The following LTBP1 variants were observed in gnomAD, a reference collection of about 807,000 sequenced individuals.
LTBP1 encodes latent transforming growth factor beta binding protein 1.
Under a neutral mutation model 207.6 loss-of-function variants are expected in LTBP1, and 129 were observed. The observed-to-expected ratio is 0.62, with a 90% CI of 0.54 to 0.72. The LOEUF is 0.72. LTBP1 is among the 30% of genes least tolerant of loss of function. The pLI, the probability that LTBP1 is intolerant of heterozygous loss-of-function variation, is 0.00. For missense variants in LTBP1, 2,281 were observed against 2,217.2 expected, an observed-to-expected ratio of 1.03 and a Z score of -0.58; for synonymous variants, 963 against 833.7, an observed-to-expected ratio of 1.16 and a Z score of -2.67.
At chr2:33,392,020 T>C (rs1261684204) in intron 32 of LTBP1, among the ~76,000 whole-genome samples, 3 of 152,206 alleles carry the variant, frequency 2.0e-5, no homozygotes, top group East Asian at 3.9e-4. Flanking sequence ...GCAAAAATGA[T>C]TGTGTTGGGT....
At chr2:32,950,370 A>G (rs1676914886) in intron 2 of LTBP1, among the ~76,000 whole-genome samples, 1 of 152,136 alleles carries the variant, frequency 6.6e-6, no homozygotes, top group Admixed American at 6.5e-5. Flanking sequence ...CAGCCTGGGC[A>G]GCATGGCAAA....
chr2:33,343,032 A>C, intron 25 of LTBP1, 69 bp downstream of exon 25: 1 of 1,522,494 alleles, frequency 6.6e-7, no homozygotes, highest in South Asian at 1.3e-5. Flanking sequence ...AGTGAACAAC[A>C]GGAGCTTTTA....
Position 32,948,986 on chromosome 2 carries a change from A to T in LTBP1, c.565+41A>T, listed in dbSNP as rs369323612. On this transcript the variant is annotated intron_variant, in intron 2 of 33. Transcript: ENST00000404816. ...CACAGTGGCCCTGCACAGTAGGCAA[A>T]GTGGGGGGAGGTGTCCACATGGGGG... 5 of 1,601,920 alleles carry T rather than the reference A, an allele frequency of 3.1e-6. No homozygotes were observed. In the African/African-American group the frequency reaches 6.7e-5, roughly 21 times the overall value.
chr2:33,327,594 T>C (rs1327947957), intron 24 of LTBP1, among the ~76,000 whole-genome samples: 1 of 152,226 alleles, frequency 6.6e-6, no homozygotes, highest in Non-Finnish European at 1.5e-5. Flanking sequence ...TGACTTCATT[T>C]TGCAGTTGGA....
intron 3 of LTBP1, among the ~76,000 whole-genome samples, chr2:33,109,981 G>A (rs2080298036): frequency 6.6e-6 from 1 of 152,178 alleles, no homozygotes; most frequent in Non-Finnish European, 1.5e-5. Flanking sequence ...AATACAACAT[G>A]GGGATTTCTT....
chr2:32,968,584 C>G (rs972651270), intron 2 of LTBP1, among the ~76,000 whole-genome samples: 5 of 152,068 alleles, frequency 3.3e-5, no homozygotes, highest in African/African-American at 1.2e-4. Flanking sequence ...ACAGTCTCTG[C>G]CTTTTAATGG....
Position 33,293,274 on chromosome 2 carries a change from A to G in LTBP1, c.3227A>G (p.His1076Arg). Residue 1076 changes from histidine (H) to arginine (R), a missense_variant, in exon 20 of 34, where the codon CAC becomes CGC. This residue lies in a region of LTBP1 where 1,671 missense variants were observed against 1,634.8 expected (regional missense o/e 1.02). Transcript: ENST00000404816. ...TATACCCGGACTCCGGACCACAAGC[A>G]CTGTAGAGGTAAATACTGTGATCAA... ...KGYTRTPDHK[H>R]CRDIDECQQG... 5 of 1,609,890 alleles carry G rather than the reference A, an allele frequency of 3.1e-6. No homozygotes were observed. The highest frequency in any genetic ancestry group is 2.2e-5 in the South Asian group (2 of 89,758).
intron 3 of LTBP1, among the ~76,000 whole-genome samples, chr2:33,042,041 A>G (rs562662645): frequency 6.6e-6 from 1 of 152,280 alleles, no homozygotes; most frequent in East Asian, 1.9e-4. Context: ...TGCCATTCTA[A>G]TAGGTGTATA....
chr2:33,222,314 A>G (rs1188845503), intron 9 of LTBP1, among the ~76,000 whole-genome samples, 163 bp downstream of exon 9: 2 of 152,224 alleles, frequency 1.3e-5, no homozygotes, highest in African/African-American at 4.8e-5. Context: ...AGTTTAAAAT[A>G]TGGTTATTGG....
chr2:33,276,065 T>A, intron 18 of LTBP1, 142 bp downstream of exon 18: 1 of 1,031,372 alleles, frequency 9.7e-7, no homozygotes. Context: ...ATTCACAGGC[T>A]CTTTGCCTCT....
intron 9 of LTBP1, among the ~76,000 whole-genome samples, chr2:33,226,648 A>G (rs1339405897): frequency 6.6e-6 from 1 of 152,180 alleles, no homozygotes; most frequent in East Asian, 1.9e-4. Flanking sequence ...GTTATTTCGA[A>G]TTTTCTAGAA....
At chr2:33,368,511 T>C (rs1424399918) in intron 31 of LTBP1, among the ~76,000 whole-genome samples, 4 of 152,234 alleles carry the variant, frequency 2.6e-5, no homozygotes, top group Non-Finnish European at 5.9e-5. Flanking sequence ...CATGTATGCG[T>C]CTGCAGGAAT....
intron 5 of LTBP1, among the ~76,000 whole-genome samples, chr2:33,144,211 A>C (rs1470533502): frequency 1.3e-5 from 2 of 152,116 alleles, no homozygotes; most frequent in Non-Finnish European, 2.9e-5. Context: ...GCACAATAGC[A>C]TCAAGAAGGA....
At chr2:33,101,173 G>A (rs1262710958) in intron 3 of LTBP1, among the ~76,000 whole-genome samples, 1 of 152,152 alleles carries the variant, frequency 6.6e-6, no homozygotes, top group Non-Finnish European at 1.5e-5. Context: ...AGGTATTAAG[G>A]AGTGTGAACA....
Position 33,189,576 on chromosome 2 carries a change from C to T in LTBP1, c.1701+725C>T, listed in dbSNP as rs1177062874. ...TGATCTGTGTATAAAATGTGTCAGG[C>T]GTGAGATATGGTACAGAATATATAT... On this transcript the variant is annotated intron_variant, in intron 7 of 33. Coordinates refer to ENST00000404816, the MANE Select transcript of LTBP1 (RefSeq NM_206943.4). 5.9e-5 allele frequency among the ~76,000 whole-genome samples: 9 copies of T among 152,248 alleles called. No homozygotes were observed. The East Asian group carries it at 9.6e-4, about 16-fold the overall frequency.
chr2:33,065,276 G>T (rs2077452960), intron 3 of LTBP1, among the ~76,000 whole-genome samples: 1 of 152,110 alleles, frequency 6.6e-6, no homozygotes, highest in African/African-American at 2.4e-5. Context: ...TCCACTTGAG[G>T]TGAGGCATGG....
At chr2:33,054,452 A>C (rs766512473) in intron 3 of LTBP1, among the ~76,000 whole-genome samples, 7 of 152,156 alleles carry the variant, frequency 4.6e-5, no homozygotes, top group Admixed American at 6.6e-5. Flanking sequence ...TTCAGGGTTG[A>C]TTCCCTCCTC....
chr2:32,981,765 G>A (rs575171626), intron 2 of LTBP1, among the ~76,000 whole-genome samples: 13 of 152,242 alleles, frequency 8.5e-5, no homozygotes, highest in African/African-American at 9.6e-5. Flanking sequence ...TAGTGAAAAA[G>A]TCTCACAAGA....
intron 7 of LTBP1, among the ~76,000 whole-genome samples, chr2:33,214,789 T>C (rs1432445984): frequency 1.3e-5 from 2 of 152,082 alleles, no homozygotes; most frequent in Admixed American, 6.5e-5. Context: ...TTTCAAGAGA[T>C]GTGATGGTCT....
Sources: gnomAD v4.1 joint callset for allele counts (sites outside exome capture counted in the v4.1 genomes callset) on GRCh38, gnomAD v4.1.1 for gene constraint, gnomAD v4.1.1 regional missense constraint, MANE v1.5 for transcripts, NCBI Gene and HGNC (gene_info 2026-07-23, HGNC 2026-07-21) for gene names.